Variants in ROCK2 observed in about 807,000 individuals in gnomAD.
ROCK2 encodes the protein Rho associated coiled-coil containing protein kinase 2.
Under a neutral mutation model 195.1 loss-of-function variants are expected in ROCK2, and 61 were observed. The ratio of observed to expected loss-of-function variants is 0.31; its 90% confidence interval spans 0.25 to 0.39. The LOEUF is 0.39. Among genes scored for constraint, ROCK2 ranks in the 10% least tolerant of loss-of-function variants. ROCK2 has a pLI of 1.00. For synonymous variants in ROCK2, 504 were observed against 545.5 expected (o/e 0.92, Z 1.06); for missense variants, 1,109 against 1,637.4 (o/e 0.68, Z 5.57).
rs1231641482 is a variant in ROCK2, at chr2:11,194,803, A to T, written c.3519+152T>A. The T allele has an allele frequency of 6.8e-5, 28 of 411,266 alleles. No individual in the cohort carries two copies. The East Asian group carries it at 9.8e-4, about 14-fold the overall frequency. 25.5% of individuals were successfully genotyped at this position (411,266 alleles called of 1,614,324 possible). A position where few individuals can be genotyped will look rare whatever the true frequency, so the allele number is the denominator to read the frequency against. ...AGGACAAAAATTTTTTACAAAGATA[A>T]ATAAAATCATATCATTTCAAATCCT... On this transcript the variant is annotated intron_variant, in intron 28 of 32. Transcript: ENST00000315872.
intron 5 of ROCK2, among the ~76,000 whole-genome samples, chr2:11,231,002 GC>G (rs1474483520): frequency 1.3e-5 from 2 of 151,804 alleles, no homozygotes; most frequent in African/African-American, 4.8e-5. Flanking sequence ...AATACATTTA[GC>G]AAATACATAT....
intron 6 of ROCK2, among the ~76,000 whole-genome samples, chr2:11,226,377 A>C (rs1664811319): frequency 6.6e-6 from 1 of 152,204 alleles, no homozygotes; most frequent in African/African-American, 2.4e-5. Context: ...GAGTTTTCTA[A>C]AACTGAAATG....
chr2:11,298,088 T>C (rs1386819009), intron 1 of ROCK2, among the ~76,000 whole-genome samples: 2 of 152,150 alleles, frequency 1.3e-5, no homozygotes, highest in Admixed American at 6.5e-5. Context: ...ATACATACAA[T>C]GTACATACTT....
At chr2:11,307,377 G>C (rs1389567989) in intron 1 of ROCK2, among the ~76,000 whole-genome samples, 1 of 152,148 alleles carries the variant, frequency 6.6e-6, no homozygotes, top group Non-Finnish European at 1.5e-5. Context: ...GCAGTGGTGC[G>C]ATCTCAGCTC....
chr2:11,285,708 T>TC (rs1474579082), intron 3 of ROCK2, among the ~76,000 whole-genome samples: 5 of 152,006 alleles, frequency 3.3e-5, no homozygotes, highest in Admixed American at 2.0e-4. Flanking sequence ...ATGCCTATAG[T>TC]CCCAGCTTCT....
chr2:11,272,164 G>A (rs1010644518), intron 3 of ROCK2, among the ~76,000 whole-genome samples: 1 of 152,108 alleles, frequency 6.6e-6, no homozygotes, highest in Admixed American at 6.5e-5. Flanking sequence ...GGAAAGTTAA[G>A]ACATTAACAG....
At chr2:11,237,933 G>A (rs563433920) in intron 4 of ROCK2, among the ~76,000 whole-genome samples, 1 of 152,240 alleles carries the variant, frequency 6.6e-6, no homozygotes, top group African/African-American at 2.4e-5. Context: ...ACAAAAATGA[G>A]CCAGGAATGG....
At chr2:11,287,499 T>C (rs1217861132) in intron 2 of ROCK2, among the ~76,000 whole-genome samples, 156 bp downstream of exon 2, 3 of 152,114 alleles carry the variant, frequency 2.0e-5, no homozygotes, top group African/African-American at 7.2e-5. Flanking sequence ...AAAATAAAAG[T>C]AACAATTTTT....
At chr2:11,322,238 T>A (rs950539014) in intron 1 of ROCK2, among the ~76,000 whole-genome samples, 1 of 152,064 alleles carries the variant, frequency 6.6e-6, no homozygotes, top group Non-Finnish European at 1.5e-5. Context: ...CACAAAACTA[T>A]CTTTCAAAAA....
intron 3 of ROCK2, among the ~76,000 whole-genome samples, chr2:11,252,568 T>C (rs1178449376): frequency 6.6e-6 from 1 of 152,106 alleles, no homozygotes; most frequent in South Asian, 2.1e-4. Flanking sequence ...CCATCAGTGA[T>C]AGACTGGATA....
At position 11,218,335 on chromosome 2, in the gene ROCK2, A is replaced by AC. The variant is rs375939756; in HGVS notation, c.1332+119_1332+120insG. 495 of 572,984 alleles carry AC rather than the reference A, an allele frequency of 8.6e-4. 2 individuals are homozygous for AC. The highest frequency in any genetic ancestry group is 7.8e-3 in the African/African-American group (411 of 52,590). The allele number at this position is 572,984 out of a possible 1,614,324, so 35.5% of individuals were successfully genotyped here. ...GATACTTGGTAGAAGAAAGGTTGGG[A>AC]ACTTCTCTCTTGGGTAGATGTAGTA... On this transcript the variant is annotated intron_variant, in intron 11 of 32. Coordinates refer to ENST00000315872, the MANE Select transcript of ROCK2 (RefSeq NM_004850.5).
intron 1 of ROCK2, among the ~76,000 whole-genome samples, chr2:11,336,251 G>T (rs1380831989): frequency 6.6e-6 from 1 of 152,096 alleles, no homozygotes; most frequent in Non-Finnish European, 1.5e-5. Flanking sequence ...AAACTAAAAA[G>T]AAATGACTTT....
In ROCK2 at chr2:11,265,090, C is replaced by T. The variant is rs185695576; in HGVS notation, c.325-15292G>A. 2.2e-3 allele frequency among the ~76,000 whole-genome samples: 339 copies of T among 152,240 alleles called. 3 individuals are homozygous for T. The highest frequency in any genetic ancestry group is 7.9e-3 in the African/African-American group (330 of 41,516). ...TACAATGGGCATAATAGTAATAATA[C>T]TTACCTGAAAGGACTGTTGTGAAGA... On this transcript the variant is annotated intron_variant, in intron 3 of 32. Coordinates refer to ENST00000315872, the MANE Select transcript of ROCK2 (RefSeq NM_004850.5).
chr2:11,306,658 C>T (rs551959654), intron 1 of ROCK2, among the ~76,000 whole-genome samples: 12 of 152,252 alleles, frequency 7.9e-5, no homozygotes, highest in African/African-American at 2.9e-4. Flanking sequence ...CAAAGGAATA[C>T]AGAAACAGGT....
In ROCK2 at chr2:11,294,515, G is replaced by A. The variant is rs6705981; in HGVS notation, c.142-6779C>T. 7.0e-3 allele frequency among the ~76,000 whole-genome samples: 1,066 copies of A among 152,210 alleles called. 15 individuals are homozygous for A. The highest frequency in any genetic ancestry group is 0.024 in the African/African-American group (1,014 of 41,506). ...ATATTTTTTAGTTGAAATTTGGCTT[G>A]GAGAACTTAAACCATTTCCCAGAAC... On this transcript the variant is annotated intron_variant, in intron 1 of 32. Transcript: ENST00000315872.
chr2:11,326,537 G>A (rs1449757450), intron 1 of ROCK2, among the ~76,000 whole-genome samples: 1 of 152,156 alleles, frequency 6.6e-6, no homozygotes, highest in African/African-American at 2.4e-5. Context: ...CTGGTGAGAG[G>A]AGGAGGCAGA....
At chr2:11,329,044 G>A (rs1401728006) in intron 1 of ROCK2, among the ~76,000 whole-genome samples, 1 of 151,144 alleles carries the variant, frequency 6.6e-6, no homozygotes, top group Admixed American at 6.6e-5. Flanking sequence ...CTGTGCACAT[G>A]TACCCTAAAA....
chr2:11,216,042 T>G (rs554617534), intron 13 of ROCK2, 116 bp downstream of exon 13: 1 of 794,684 alleles, frequency 1.3e-6, no homozygotes, highest in Admixed American at 2.0e-5. Flanking sequence ...CCACCAATAC[T>G]ACAAGGTAGG....
rs1669210318 is a variant in ROCK2 at position 11,344,299 on chromosome 2, G to T, written c.-163C>A. ...TCTCCAAGGCGGTCCCCCGCCTGGGGGCTGCTCCCAGGGGCCCGCCCGGCC... is the reference window on the plus strand; with the variant it reads ...TCTCCAAGGCGGTCCCCCGCCTGGGTGCTGCTCCCAGGGGCCCGCCCGGCC... On this transcript the variant is annotated 5_prime_UTR_variant, in exon 1 of 33. Transcript: ENST00000315872. This position sits in a 1 kb window ranked among gnomAD's most constrained non-coding sequence, Gnocchi z 5.4. The T allele has an allele frequency of 2.4e-6, 3 of 1,241,658 alleles. No homozygotes were observed. The South Asian group carries it at 9.9e-5, about 41-fold the overall frequency. The allele number at this position is 1,241,658 out of a possible 1,614,324, so 76.9% of individuals were successfully genotyped here.
Sources: gnomAD v4.1 joint callset for allele counts (sites outside exome capture counted in the v4.1 genomes callset) on GRCh38, gnomAD v4.1.1 for gene constraint, Gnocchi (gnomAD v3.1) non-coding constraint, MANE v1.5 for transcripts, NCBI Gene and HGNC (gene_info 2026-07-23, HGNC 2026-07-21) for gene names.